PPP3R1: variants seen among roughly 807,000 people sequenced by gnomAD.
The protein encoded by PPP3R1 is calcineurin subunit B type 1.
Under a neutral mutation model 22.6 loss-of-function variants are expected in PPP3R1, and 5 were observed. The ratio of observed to expected loss-of-function variants is 0.22; its 90% CI spans 0.12 to 0.46. The LOEUF (loss-of-function observed/expected upper bound fraction) is 0.46, where lower values mean the gene tolerates loss of function less well. Among genes scored for constraint, PPP3R1 ranks in the 20% least tolerant of loss-of-function variants. PPP3R1 has a pLI of 0.99. For synonymous variants in PPP3R1, 56 were observed against 65.2 expected, an observed-to-expected ratio of 0.86 and a Z score of 0.68; for missense variants, 61 against 203.2, an observed-to-expected ratio of 0.30 and a Z score of 4.25.
intron 2 of PPP3R1, among the ~76,000 whole-genome samples, chr2:68,196,167 C>CA (rs1360179698): frequency 1.3e-5 from 2 of 151,976 alleles, no homozygotes; most frequent in Admixed American, 6.6e-5. Flanking sequence ...GATCACAAAA[C>CA]AAAAAACCTC....
rs569560051 is a variant in PPP3R1 at position 68,234,932 on chromosome 2, G to A, written c.3+17193C>T. Among the ~76,000 whole-genome samples, 9 of 152,300 alleles carry A rather than the reference G, an allele frequency of 5.9e-5. No individual in the cohort carries two copies. In the East Asian group the frequency reaches 1.5e-3, roughly 26 times the overall value. ...ACTATGGCCATAGGAAATAGCTGAA[G>A]TAGAGAGAAAACTAAAGGTTAGTAA... On this transcript the variant is annotated intron_variant, in intron 1 of 5. Coordinates refer to ENST00000234310, the MANE Select transcript of PPP3R1 (RefSeq NM_000945.4).
chr2:68,224,762 C>T (rs907744223), intron 1 of PPP3R1, among the ~76,000 whole-genome samples: 1 of 151,198 alleles, frequency 6.6e-6, no homozygotes, highest in African/African-American at 2.4e-5. Context: ...TAAACACACA[C>T]ACACAATTTT....
At position 68,252,457 on chromosome 2, in the gene PPP3R1, C is replaced by T; in HGVS notation, c.-330G>A. 1 of 989,732 alleles carries T rather than the reference C, an allele frequency of 1.0e-6. No individual in the cohort carries two copies. The allele number at this position is 989,732 out of a possible 1,614,324, so 61.3% of individuals were successfully genotyped here. A position where few individuals can be genotyped will look rare whatever the true frequency, so the allele number is the denominator to read the frequency against. ...CGAAGACGGCCGGGAAACTCGGGGG[C>T]TGCAGCCTCGCGCTCGCGCCGGAGC... On this transcript the variant is annotated 5_prime_UTR_variant, in exon 1 of 6. Coordinates refer to ENST00000234310, the MANE Select transcript of PPP3R1 (RefSeq NM_000945.4).
chr2:68,202,290 T>G (rs74497479), intron 2 of PPP3R1, among the ~76,000 whole-genome samples: 1 of 152,244 alleles, frequency 6.6e-6, no homozygotes, highest in African/African-American at 2.4e-5. Flanking sequence ...ACGAGATTAC[T>G]ATATGTCATG....
At chr2:68,199,072 T>TC (rs563382693) in intron 2 of PPP3R1, among the ~76,000 whole-genome samples, 475 of 152,286 alleles carry the variant, frequency 3.1e-3, no homozygotes, top group Non-Finnish European at 5.3e-3. Flanking sequence ...CACACCATTC[T>TC]CCTGCCTCAG....
At chr2:68,248,739 G>C (rs1187146132) in intron 1 of PPP3R1, among the ~76,000 whole-genome samples, 1 of 152,184 alleles carries the variant, frequency 6.6e-6, no homozygotes, top group Non-Finnish European at 1.5e-5. Context: ...CTGCAACGCT[G>C]ATCTTTTTAG....
intron 1 of PPP3R1, among the ~76,000 whole-genome samples, chr2:68,240,833 G>A (rs1670109788): frequency 6.6e-6 from 1 of 152,196 alleles, no homozygotes; most frequent in African/African-American, 2.4e-5. Context: ...TATAATGCCG[G>A]AATTTTAAAC....
intron 2 of PPP3R1, among the ~76,000 whole-genome samples, chr2:68,208,984 A>C (rs1669395113): frequency 6.6e-6 from 1 of 151,850 alleles, no homozygotes; most frequent in Non-Finnish European, 1.5e-5. Context: ...AAACAGCAAA[A>C]TAAAATGTAA....
chr2:68,233,949 A>T (rs1669966427), intron 1 of PPP3R1, among the ~76,000 whole-genome samples: 2 of 152,372 alleles, frequency 1.3e-5, no homozygotes, highest in South Asian at 4.1e-4. Flanking sequence ...ATACAAAAAA[A>T]ACAGAGAAAT....
At chr2:68,198,535 C>G (rs1674886162) in intron 2 of PPP3R1, among the ~76,000 whole-genome samples, 1 of 108,700 alleles carries the variant, frequency 9.2e-6, no homozygotes, top group African/African-American at 3.4e-5. Flanking sequence ...GAGTCTGGAC[C>G]CTCTATTCTG....
intron 2 of PPP3R1, among the ~76,000 whole-genome samples, chr2:68,209,382 A>AC (rs1301242772): frequency 4.3e-5 from 6 of 138,294 alleles, no homozygotes; most frequent in African/African-American, 1.6e-4. Context: ...AAAAAAAAAA[A>AC]AAAAAAAAAC....
rs71395958 is a variant in PPP3R1 at position 68,202,792 on chromosome 2, A to ATTTTT, written c.44-14107_44-14103dup. On this transcript the variant is annotated intron_variant, in intron 2 of 5. Transcript: ENST00000234310. ...TAATATATACTAGAGAGTTCAGGGA[A>ATTTTT]TTTTTTTTTTTTTTTTTTTTTTTTT... 7.2e-3 allele frequency among the ~76,000 whole-genome samples: 587 copies of ATTTTT among 81,202 alleles called. 97 individuals carry two copies. The highest frequency in any genetic ancestry group is 0.029 in the African/African-American group (464 of 16,156). The allele number at this position is 81,202 out of a possible 152,430, so 53.3% of individuals were successfully genotyped here.
At chr2:68,237,077 A>G (rs1421023047) in intron 1 of PPP3R1, among the ~76,000 whole-genome samples, 1 of 152,042 alleles carries the variant, frequency 6.6e-6, no homozygotes, top group African/African-American at 2.4e-5. Flanking sequence ...GAAATAACAA[A>G]CTGCTTATTA....
chr2:68,215,049 A>G (rs1240299236), intron 2 of PPP3R1, among the ~76,000 whole-genome samples: 1 of 152,148 alleles, frequency 6.6e-6, no homozygotes, highest in Non-Finnish European at 1.5e-5. Context: ...CAAATACTGC[A>G]TGTTCTCACT....
At position 68,206,343 on chromosome 2, in the gene PPP3R1, T is replaced by C. The variant is rs572877369; in HGVS notation, c.43+10749A>G. ...ACCATGAAAAAGGGAGGCCTGATAC[T>C]GAAGGAAAGGAGGTTAAGATTAAAT... On this transcript the variant is annotated intron_variant, in intron 2 of 5. Coordinates refer to ENST00000234310, the MANE Select transcript of PPP3R1 (RefSeq NM_000945.4). Among the ~76,000 whole-genome samples the C allele has an allele frequency of 8.5e-5, 13 of 152,284 alleles. 1 individual carries two copies. In the East Asian group the frequency reaches 2.3e-3, roughly 27 times the overall value.
chr2:68,231,334 T>C (rs1478807134), intron 1 of PPP3R1, among the ~76,000 whole-genome samples: 1 of 151,856 alleles, frequency 6.6e-6, no homozygotes, highest in Non-Finnish European at 1.5e-5. Flanking sequence ...TCTTTCTTTA[T>C]GTCTTCTATT....
chr2:68,185,016 C>T (rs934360468), intron 5 of PPP3R1, among the ~76,000 whole-genome samples: 3 of 152,100 alleles, frequency 2.0e-5, no homozygotes, highest in Admixed American at 6.5e-5. Flanking sequence ...GTCAGAAGAT[C>T]GAGACCATCC....
Position 68,180,884 on chromosome 2 carries a change from A to G in PPP3R1, c.*79T>C, listed in dbSNP as rs1310361928. On this transcript the variant is annotated 3_prime_UTR_variant, in exon 6 of 6. Coordinates refer to ENST00000234310, the MANE Select transcript of PPP3R1 (RefSeq NM_000945.4). ...AATACTTCCATTTAAATACACAGAG[A>G]GCATTGCTGGACGTCTTGAGCAGAT... 2.9e-6 allele frequency: 4 copies of G among 1,372,266 alleles called. No individual in the cohort carries two copies. Among genetic ancestry groups the G allele is most frequent in the Non-Finnish European group, 4.1e-6 (4 of 970,266 alleles). The allele number at this position is 1,372,266 out of a possible 1,614,324, so 85.0% of individuals were successfully genotyped here.
intron 2 of PPP3R1, among the ~76,000 whole-genome samples, chr2:68,198,543 C>G (rs1298264042): frequency 7.4e-6 from 1 of 134,352 alleles, no homozygotes; most frequent in East Asian, 2.3e-4. Context: ...ACCCTCTATT[C>G]TGTTTCATTG....
Sources: gnomAD v4.1 joint callset for allele counts (sites outside exome capture counted in the v4.1 genomes callset) on GRCh38, gnomAD v4.1.1 for gene constraint, MANE v1.5 for transcripts, NCBI Gene and HGNC (gene_info 2026-07-23, HGNC 2026-07-21) for gene names.